The following ABCC1 variants were observed in gnomAD, a reference collection of about 807,000 sequenced individuals.
ABCC1 encodes ATP binding cassette subfamily C member 1 (ABCC1 blood group).
Under a neutral mutation model 172.9 loss-of-function variants are expected in ABCC1, and 83 were observed. The ratio of observed to expected loss-of-function variants is 0.48; its 90% CI spans 0.40 to 0.58. The LOEUF (loss-of-function observed/expected upper bound fraction) is 0.58, where lower values mean the gene tolerates loss of function less well. Among genes scored for constraint, ABCC1 ranks in the 20% least tolerant of loss-of-function variants. ABCC1 has a pLI of 0.00. For synonymous variants in ABCC1, 937 were observed against 825.2 expected (o/e 1.14, Z -2.32); for missense variants, 1,817 against 2,002.7 (o/e 0.91, Z 1.77).
chr16:16,097,298 A>T (rs1473868802), intron 19 of ABCC1, among the ~76,000 whole-genome samples: 1 of 152,144 alleles, frequency 6.6e-6, no homozygotes, highest in Non-Finnish European at 1.5e-5. Flanking sequence ...TTTTTAGTAG[A>T]GACGGCGTTG....
At chr16:16,124,377 CTG>C (rs10673887) in intron 24 of ABCC1, among the ~76,000 whole-genome samples, 7,981 of 43,954 alleles carry the variant, frequency 0.18, 558 homozygotes, top group African/African-American at 0.26. Flanking sequence ...CTACGCCCGG[CTG>C]TGTGTGTGTG....
intron 1 of ABCC1, among the ~76,000 whole-genome samples, chr16:15,999,850 C>G (rs2047221524): frequency 1.5e-5 from 1 of 67,628 alleles, no homozygotes; most frequent in African/African-American, 4.5e-5. Flanking sequence ...TTCTTTCTTT[C>G]TTTCTTTCTT....
intron 19 of ABCC1, among the ~76,000 whole-genome samples, chr16:16,091,352 G>A (rs2051247172): frequency 7.0e-6 from 1 of 142,864 alleles, no homozygotes; most frequent in Non-Finnish European, 1.5e-5. Flanking sequence ...ATCCCTTGAA[G>A]CCAGGAGGAA....
rs527397902 is a variant in ABCC1, at chr16:16,120,620, G to A, written c.3391-1355G>A. On this transcript the variant is annotated intron_variant, in intron 23 of 30. Coordinates refer to ENST00000399410, the MANE Select transcript of ABCC1 (RefSeq NM_004996.4). The stretch of plus-strand genomic sequence containing the variant: ...GAAGGTGCTCATGGAGGATGGGAAG[G>A]GCTTCCCGAGGAAGTGACATCTGTG... Among the ~76,000 whole-genome samples the A allele has an allele frequency of 1.8e-4, 27 of 152,282 alleles. 1 individual carries two copies. The highest frequency in any genetic ancestry group is 6.5e-4 in the African/African-American group (27 of 41,582).
chr16:16,030,131 G>C (rs2048513072), intron 5 of ABCC1, among the ~76,000 whole-genome samples: 1 of 152,162 alleles, frequency 6.6e-6, no homozygotes, highest in African/African-American at 2.4e-5. Flanking sequence ...GAAAATACTT[G>C]TTTCTTTCCG....
intron 18 of ABCC1, among the ~76,000 whole-genome samples, chr16:16,088,987 G>A (rs899665033): frequency 6.6e-6 from 1 of 152,190 alleles, no homozygotes; most frequent in Admixed American, 6.5e-5. Flanking sequence ...GGGATTACAG[G>A]TGTGAGCCAC....
chr16:16,030,128 C>T (rs550056274), intron 5 of ABCC1, among the ~76,000 whole-genome samples: 2 of 152,308 alleles, frequency 1.3e-5, no homozygotes, highest in African/African-American at 2.4e-5. Context: ...GGAGAAAATA[C>T]TTGTTTCTTT....
At chr16:16,097,513 G>T (rs749141882) in intron 19 of ABCC1, among the ~76,000 whole-genome samples, 2 of 152,188 alleles carry the variant, frequency 1.3e-5, no homozygotes, top group East Asian at 3.8e-4. Context: ...TGGATGAATC[G>T]CACCTTGGCT....
intron 5 of ABCC1, 132 bp from the exon 6 acceptor site, chr16:16,032,977 A>C: frequency 1.3e-6 from 1 of 794,734 alleles, no homozygotes; most frequent in Non-Finnish European, 2.1e-6. Flanking sequence ...GGGGTGCAGA[A>C]TGGTGTGGAG....
chr16:16,004,024 G>GTGGA (rs138260161), intron 1 of ABCC1, among the ~76,000 whole-genome samples: 2 of 42,420 alleles, frequency 4.7e-5, no homozygotes, highest in East Asian at 1.1e-3. Flanking sequence ...GGATGAATTG[G>GTGGA]TGGATGGATG....
At chr16:16,105,878 CTTTT>C (rs574151579) in intron 20 of ABCC1, among the ~76,000 whole-genome samples, 2 of 126,452 alleles carry the variant, frequency 1.6e-5, no homozygotes, top group Non-Finnish European at 1.6e-5. Context: ...GCGAAAAGTG[CTTTT>C]TTTTTTTTTT....
At chr16:16,043,243 T>TTTTTTTTTTTTTTTTTTTCC (rs1021835519) in intron 7 of ABCC1, among the ~76,000 whole-genome samples, 3 of 140,790 alleles carry the variant, frequency 2.1e-5, no homozygotes, top group Admixed American at 7.1e-5. Flanking sequence ...TTTTTTTTTT[T>TTTTTTTTTTTTTTTTTTTCC]CCACTGATGT....
intron 20 of ABCC1, among the ~76,000 whole-genome samples, chr16:16,103,653 G>A (rs991988009): frequency 1.4e-4 from 21 of 152,170 alleles, no homozygotes; most frequent in Admixed American, 1.3e-3. Context: ...GACAAAGTCG[G>A]AGCCTAAACG....
chr16:16,022,332 G>A (rs2048222150), intron 5 of ABCC1, among the ~76,000 whole-genome samples: 1 of 152,178 alleles, frequency 6.6e-6, no homozygotes, highest in Non-Finnish European at 1.5e-5. Flanking sequence ...CTCTGGGGCT[G>A]CCGAGGCTTT....
Position 16,086,996 on chromosome 16 carries a change from C to T in ABCC1, c.2460+5C>T. 6.2e-7 allele frequency: 1 copy of T among 1,614,084 alleles called. No individual in the cohort carries two copies. Among genetic ancestry groups the T allele is most frequent in the Non-Finnish European group, 8.5e-7 (1 of 1,179,992 alleles). On this transcript the variant is annotated splice_donor_5th_base_variant and intron_variant, in intron 18 of 30. Coordinates refer to ENST00000399410, the MANE Select transcript of ABCC1 (RefSeq NM_004996.4). ...AAGGGGATGCTGAAGAACAAGGTGC[C>T]TGCTGGCGGGGTGGGGCTTGGTGTT...
chr16:16,132,526 T>G (rs1220773391), intron 27 of ABCC1, among the ~76,000 whole-genome samples: 31 of 129,360 alleles, frequency 2.4e-4, no homozygotes, highest in East Asian at 2.1e-4. Flanking sequence ...TTTTTTTTTT[T>G]TTTTTTTTTT....
intron 12 of ABCC1, among the ~76,000 whole-genome samples, chr16:16,065,675 C>T (rs910574571): frequency 1.3e-5 from 2 of 152,168 alleles, no homozygotes; most frequent in African/African-American, 2.4e-5. Flanking sequence ...TCAGGAGATC[C>T]ACCTGCCTTG....
chr16:16,047,398 C>T (rs1721694159), intron 9 of ABCC1, among the ~76,000 whole-genome samples: 1 of 152,126 alleles, frequency 6.6e-6, no homozygotes, highest in Non-Finnish European at 1.5e-5. Context: ...CTCAAACGAT[C>T]CTGCCACCTC....
chr16:16,123,066 C>T (rs45504293), intron 24 of ABCC1, among the ~76,000 whole-genome samples: 1 of 152,254 alleles, frequency 6.6e-6, no homozygotes, highest in East Asian at 1.9e-4. Context: ...AGAGGTGTCC[C>T]ATAACCATTA....
Sources: gnomAD v4.1 joint callset for allele counts (sites outside exome capture counted in the v4.1 genomes callset) on GRCh38, gnomAD v4.1.1 for gene constraint, MANE v1.5 for transcripts, NCBI Gene and HGNC (gene_info 2026-07-23, HGNC 2026-07-21) for gene names.